WDR27: variants seen among roughly 807,000 people sequenced by gnomAD.
The protein encoded by WDR27 is WD repeat-containing protein 27.
WDR27 carries 100 observed loss-of-function variants against 114.4 expected under a neutral mutation model. That is an observed-to-expected ratio of 0.87 (90% confidence interval 0.74 to 1.03). The LOEUF (loss-of-function observed/expected upper bound fraction) is 1.03. WDR27 is among the 50% of genes least tolerant of loss of function. WDR27 has a pLI of 0.00. For missense variants in WDR27, 1,129 were observed against 1,092.9 expected, an observed-to-expected ratio of 1.03 and a Z score of -0.47; for synonymous variants, 449 against 423.1, an observed-to-expected ratio of 1.06 and a Z score of -0.75.
At chr6:169,480,496 C>G (rs1279760566) in intron 25 of WDR27, among the ~76,000 whole-genome samples, 2 of 152,254 alleles carry the variant, frequency 1.3e-5, no homozygotes, top group Admixed American at 1.3e-4. Context: ...GCGAAGCCAG[C>G]TGGGCTCCTG....
At chr6:169,443,082 A>G in the WDR27 span, among the ~76,000 whole-genome samples, 1 of 152,208 alleles carries the variant, frequency 6.6e-6, no homozygotes, top group African/African-American at 2.4e-5. Flanking sequence ...GACACAAAAC[A>G]TGCAAGGAAA....
intron 1 of WDR27, among the ~76,000 whole-genome samples, chr6:169,694,315 AAAAT>A (rs1475120975): frequency 6.6e-6 from 1 of 152,204 alleles, no homozygotes; most frequent in African/African-American, 2.4e-5. Flanking sequence ...TTGTCTCAAA[AAAAT>A]AAATAAATAA....
At chr6:169,669,514 A>C (rs2128292587) in intron 4 of WDR27, 1 of 152,216 alleles carries the variant, frequency 6.6e-6, no homozygotes, top group Middle Eastern at 3.4e-3. Context: ...GCTTCTTCCT[A>C]ATTCACTTTG....
chr6:169,624,110 G>A (rs999347675), intron 21 of WDR27, among the ~76,000 whole-genome samples: 33 of 151,952 alleles, frequency 2.2e-4, no homozygotes, highest in African/African-American at 5.6e-4. Flanking sequence ...CAGGTGTGCC[G>A]TGTGTGGGGT....
At position 169,582,951 on chromosome 6, in the gene WDR27, G is replaced by A. The variant is rs1584381316; in HGVS notation, c.2425-17C>T. On this transcript the variant is annotated splice_polypyrimidine_tract_variant and intron_variant, in intron 23 of 25. Coordinates refer to ENST00000448612, the MANE Select transcript of WDR27 (RefSeq NM_182552.5). Reference sequence around the variant, plus strand: ...CACGTAAGCCTACAAGACAAGATGAGCAGGTGTGCCATGTTAACTCAGAGT... The same window carrying A: ...CACGTAAGCCTACAAGACAAGATGAACAGGTGTGCCATGTTAACTCAGAGT... The A allele has an allele frequency of 6.2e-7, 1 of 1,611,440 alleles. No homozygotes were observed. Among genetic ancestry groups the A allele is most frequent in the Non-Finnish European group, 8.5e-7 (1 of 1,178,064 alleles).
At chr6:169,678,963 G>T (rs944885053) in intron 2 of WDR27, among the ~76,000 whole-genome samples, 1 of 152,108 alleles carries the variant, frequency 6.6e-6, no homozygotes, top group African/African-American at 2.4e-5. Context: ...TCTCTCTGAA[G>T]TCTGCTATCT....
At chr6:169,480,746 T>C (rs1220413968) in intron 25 of WDR27, among the ~76,000 whole-genome samples, 1 of 151,846 alleles carries the variant, frequency 6.6e-6, no homozygotes, top group African/African-American at 2.4e-5. Flanking sequence ...GTCTAGCTAA[T>C]CTAATGGGGA....
At chr6:169,604,098 A>G (rs549134183) in intron 22 of WDR27, among the ~76,000 whole-genome samples, 4 of 152,332 alleles carry the variant, frequency 2.6e-5, no homozygotes, top group African/African-American at 9.6e-5. Flanking sequence ...CAGAAAAGAA[A>G]TTTAAAAGAC....
At chr6:169,679,629 G>A (rs1389441901) in intron 2 of WDR27, among the ~76,000 whole-genome samples, 5 of 152,148 alleles carry the variant, frequency 3.3e-5, no homozygotes, top group African/African-American at 1.2e-4. Context: ...ACTTGTTCCT[G>A]TTTTCACCCT....
chr6:169,565,014 G>A (rs1455977180), intron 25 of WDR27, among the ~76,000 whole-genome samples: 3 of 152,056 alleles, frequency 2.0e-5, no homozygotes, highest in African/African-American at 2.4e-5. Context: ...CGCTGTCAGC[G>A]AGCACTCCCT....
At chr6:169,568,576 G>A (rs1800870618) in intron 25 of WDR27, among the ~76,000 whole-genome samples, 1 of 152,168 alleles carries the variant, frequency 6.6e-6, no homozygotes, top group Admixed American at 6.5e-5. Context: ...TTCTCAAAAT[G>A]CTGAAGAAGA....
downstream of WDR27, among the ~76,000 whole-genome samples, chr6:169,456,326 A>G (rs1265528809): frequency 6.6e-6 from 1 of 152,164 alleles, no homozygotes; most frequent in African/African-American, 2.4e-5. The surrounding 1 kb of genome is among the most constrained non-coding windows in gnomAD (Gnocchi z 4.0). Context: ...TTAGAAGGTG[A>G]GGTCACAGCA....
At chr6:169,492,663 A>G (rs1789922592) in intron 25 of WDR27, among the ~76,000 whole-genome samples, 1 of 149,904 alleles carries the variant, frequency 6.7e-6, no homozygotes. Flanking sequence ...ACCTCACTGG[A>G]AAAAAAAAAT....
rs41265373 is a variant in WDR27, at chr6:169,602,295, G to A, written c.2348C>T (p.Pro783Leu). 5.4e-5 allele frequency: 84 copies of A among 1,561,958 alleles called. No individual in the cohort carries two copies. The Middle Eastern group carries it at 6.7e-4, about 12-fold the overall frequency. Residue 783 changes from proline to leucine, a missense_variant, in exon 23 of 26, where the codon CCA becomes CTA. Physicochemically the swap from Pro to Leu is moderately conservative, Grantham distance 98. Transcript: ENST00000448612. ...GATTCCACATGGATAGCCGCGGGTT[G>A]GATGCCCTTCAAAGTGGCGCTCACA... ...LRCERHFEGH[P>L]TRGYPCGIAF...
chr6:169,501,395 T>C (rs1791214743), intron 25 of WDR27, among the ~76,000 whole-genome samples: 1 of 152,200 alleles, frequency 6.6e-6, no homozygotes, highest in Non-Finnish European at 1.5e-5. Context: ...CACGCGGCTT[T>C]AAGGCAGTAG....
At chr6:169,438,472 C>T in the WDR27 span, among the ~76,000 whole-genome samples, 6 of 152,158 alleles carry the variant, frequency 3.9e-5, no homozygotes, top group Non-Finnish European at 5.9e-5. Context: ...CTCCTGACCT[C>T]GTGATCTGCC....
chr6:169,537,319 A>G (rs1308786182), intron 25 of WDR27, among the ~76,000 whole-genome samples: 1 of 152,194 alleles, frequency 6.6e-6, no homozygotes, highest in Non-Finnish European at 1.5e-5. Flanking sequence ...TGTGATGAAC[A>G]TAGAATAGGG....
At chr6:169,582,783 A>G (rs1056254712) in intron 24 of WDR27, 53 bp downstream of exon 24, 17 of 1,379,138 alleles carry the variant, frequency 1.2e-5, no homozygotes, top group African/African-American at 5.8e-5. Context: ...ACAAAAATAT[A>G]ATGTAAGACT....
At chr6:169,625,132 C>A (rs1286226267) in intron 21 of WDR27, among the ~76,000 whole-genome samples, 1 of 152,218 alleles carries the variant, frequency 6.6e-6, no homozygotes, top group Non-Finnish European at 1.5e-5. Context: ...TCATGGAGTT[C>A]TTCTGGGTCC....
Sources: gnomAD v4.1 joint callset for allele counts (sites outside exome capture counted in the v4.1 genomes callset) on GRCh38, gnomAD v4.1.1 for gene constraint, Gnocchi (gnomAD v3.1) non-coding constraint, MANE v1.5 for transcripts, NCBI Gene and HGNC (gene_info 2026-07-23, HGNC 2026-07-21) for gene names.